The following FBXO11 variants were observed in gnomAD, a reference collection of about 807,000 sequenced individuals.
FBXO11 encodes the protein F-box only protein 11.
In FBXO11, 13 loss-of-function variants were observed where a neutral mutation model predicts 117.0. That is an observed-to-expected ratio of 0.11 (90% CI 0.07 to 0.18). The LOEUF (loss-of-function observed/expected upper bound fraction) is 0.18, where lower values mean the gene tolerates loss of function less well. Among genes scored for constraint, FBXO11 ranks in the 10% least tolerant of loss-of-function variants. FBXO11 has a pLI of 1.00. For missense variants in FBXO11, 767 were observed against 1,164.4 expected, an observed-to-expected ratio of 0.66 and a Z score of 4.97; for synonymous variants, 490 against 380.5, an observed-to-expected ratio of 1.29 and a Z score of -3.35.
chr2:47,875,886 T>TA (rs1190577114), intron 1 of FBXO11, among the ~76,000 whole-genome samples: 1 of 152,226 alleles, frequency 6.6e-6, no homozygotes, highest in Non-Finnish European at 1.5e-5. Flanking sequence ...ATTTTATTTC[T>TA]ATTCCTTTTG....
At chr2:47,891,236 C>A (rs1290186789) in intron 1 of FBXO11, among the ~76,000 whole-genome samples, 1 of 152,134 alleles carries the variant, frequency 6.6e-6, no homozygotes, top group Non-Finnish European at 1.5e-5. Flanking sequence ...ACTTATTCAT[C>A]CTGCTTAACT....
chr2:47,864,409 A>G (rs942146656), intron 1 of FBXO11, among the ~76,000 whole-genome samples: 46 of 152,204 alleles, frequency 3.0e-4, no homozygotes, highest in African/African-American at 1.0e-3. Context: ...CCAACATGGC[A>G]AAACCCCATC....
At chr2:47,894,839 T>C (rs555416706) in intron 1 of FBXO11, among the ~76,000 whole-genome samples, 82 of 152,262 alleles carry the variant, frequency 5.4e-4, no homozygotes, top group Middle Eastern at 3.4e-3. Flanking sequence ...TGTGGCTATC[T>C]GCAAAAAAAT....
At chr2:47,861,921 T>C (rs1037238939) in intron 1 of FBXO11, among the ~76,000 whole-genome samples, 2 of 151,126 alleles carry the variant, frequency 1.3e-5, no homozygotes, top group African/African-American at 4.9e-5. Context: ...TTTTTTTTTT[T>C]CTTGAGATAG....
intron 1 of FBXO11, among the ~76,000 whole-genome samples, chr2:47,865,493 A>G (rs192141025): frequency 2.6e-5 from 4 of 152,366 alleles, no homozygotes; most frequent in Middle Eastern, 6.8e-3. Flanking sequence ...ACTGCAGACT[A>G]ATAAATAAAA....
At chr2:47,864,269 A>T (rs10182633) in intron 1 of FBXO11, among the ~76,000 whole-genome samples, 38,501 of 152,142 alleles carry the variant, frequency 0.25, 5,254 homozygotes, top group African/African-American at 0.35. Context: ...AGAGACAGAA[A>T]CTACCTTTGA....
rs543571527 is a variant in FBXO11, at chr2:47,835,506, T to C, written c.717+366A>G. ...TTCATTAAAACCTACTCAACTTTTT[T>C]TTTTTCCCTGAGACAAGAGTCTCAC... On this transcript the variant is annotated intron_variant, in intron 5 of 22. Coordinates refer to ENST00000403359, the MANE Select transcript of FBXO11 (RefSeq NM_001190274.2). Among the ~76,000 whole-genome samples the C allele has an allele frequency of 2.0e-5, 3 of 152,266 alleles. No individual in the cohort carries two copies. In the South Asian group the frequency reaches 6.2e-4, roughly 32 times the overall value.
intron 1 of FBXO11, among the ~76,000 whole-genome samples, chr2:47,856,872 G>A (rs978124048): frequency 2.0e-5 from 3 of 152,188 alleles, no homozygotes; most frequent in African/African-American, 7.2e-5. Context: ...AAAGGACGGA[G>A]TCTACAGATA....
At chr2:47,893,026 G>A (rs1376084815) in intron 1 of FBXO11, among the ~76,000 whole-genome samples, 1 of 151,954 alleles carries the variant, frequency 6.6e-6, no homozygotes, top group Non-Finnish European at 1.5e-5. Flanking sequence ...ATGGTGGCAC[G>A]TGCCTGTAAT....
chr2:47,808,269 A>ATAT, intron 22 of FBXO11, 22 bp from the exon 23 acceptor site: 1 of 1,612,774 alleles, frequency 6.2e-7, no homozygotes, highest in Non-Finnish European at 8.5e-7. Context: ...TGAAACCCAA[A>ATAT]TATTAGAAAA....
chr2:47,859,070 AAAAG>A (rs1558449189), intron 1 of FBXO11, among the ~76,000 whole-genome samples: 1 of 151,728 alleles, frequency 6.6e-6, no homozygotes, highest in Non-Finnish European at 1.5e-5. Context: ...AAAAGAAAAG[AAAAG>A]AAAAAGTATT....
intron 1 of FBXO11, among the ~76,000 whole-genome samples, chr2:47,895,979 G>A (rs1304740781): frequency 6.6e-6 from 1 of 152,220 alleles, no homozygotes; most frequent in Non-Finnish European, 1.5e-5. Context: ...GCAGGCATGA[G>A]CCACCATGCC....
chr2:47,844,925 C>T (rs1193275623), intron 1 of FBXO11, among the ~76,000 whole-genome samples: 1 of 152,226 alleles, frequency 6.6e-6, no homozygotes, highest in Non-Finnish European at 1.5e-5. Flanking sequence ...GCATGAGCCA[C>T]TGTGCCCAGC....
rs1558488413 is a variant in FBXO11 at position 47,901,128 on chromosome 2, C to CACACGTGTGTACATATATATACATATAT, written c.232+4360_232+4361insATATATGTATATATATGTACACACGTGT. ...ATGTATATATGTACACACGTGTGTA[C>CACACGTGTGTACATATATATACATATAT]ATGTATATATATACACACGTGTGTA... On this transcript the variant is annotated intron_variant, in intron 1 of 22. Coordinates refer to ENST00000403359, the MANE Select transcript of FBXO11 (RefSeq NM_001190274.2). Among the ~76,000 whole-genome samples the CACACGTGTGTACATATATATACATATAT allele has an allele frequency of 3.2e-3, 268 of 84,126 alleles. 8 individuals are homozygous for CACACGTGTGTACATATATATACATATAT. The highest frequency in any genetic ancestry group is 6.6e-3 in the South Asian group (17 of 2,558). 55.2% of individuals were successfully genotyped at this position (84,126 alleles called of 152,430 possible). A position where few individuals can be genotyped will look rare whatever the true frequency, so the allele number is the denominator to read the frequency against.
At chr2:47,813,100 C>T (rs1249024366) in intron 18 of FBXO11, 134 bp downstream of exon 18, 5 of 931,182 alleles carry the variant, frequency 5.4e-6, no homozygotes, top group Non-Finnish European at 8.8e-6. Context: ...TCTCCTAAAC[C>T]AGTTCAACTT....
At chr2:47,846,314 A>C (rs1013159668) in intron 1 of FBXO11, among the ~76,000 whole-genome samples, 2 of 152,180 alleles carry the variant, frequency 1.3e-5, no homozygotes, top group African/African-American at 4.8e-5. Flanking sequence ...CTAAAAATAC[A>C]AAATTAGCCA....
intron 1 of FBXO11, among the ~76,000 whole-genome samples, chr2:47,861,748 T>C (rs960253238): frequency 6.6e-6 from 1 of 152,220 alleles, no homozygotes; most frequent in South Asian, 2.1e-4. Context: ...TTTTTCCTGA[T>C]AGATACAAAC....
intron 21 of FBXO11, 41 bp from the exon 22 acceptor site, chr2:47,808,468 A>G (rs367766935): frequency 1.1e-4 from 163 of 1,502,624 alleles, no homozygotes; most frequent in Non-Finnish European, 1.4e-4. Context: ...CAAACATGTC[A>G]TTAATGCAAA....
chr2:47,842,025 T>G (rs934087806), intron 1 of FBXO11, among the ~76,000 whole-genome samples: 1 of 150,986 alleles, frequency 6.6e-6, no homozygotes, highest in South Asian at 2.1e-4. Flanking sequence ...ATTTTTATTT[T>G]TTTTTTTTGA....
Sources: allele counts gnomAD v4.1 joint callset (sites outside exome capture counted in the v4.1 genomes callset), GRCh38; gene constraint gnomAD v4.1.1; transcripts MANE v1.5; gene names NCBI Gene and HGNC (gene_info 2026-07-23, HGNC 2026-07-21).